Variants in LRRC4C observed in about 807,000 individuals in gnomAD.
LRRC4C encodes leucine rich repeat containing 4C, also known as leucine-rich repeat-containing protein 4C.
Under a neutral mutation model 33.6 loss-of-function variants are expected in LRRC4C, and 5 were observed. The ratio of observed to expected loss-of-function variants is 0.15; its 90% CI spans 0.08 to 0.31. The LOEUF (loss-of-function observed/expected upper bound fraction) is 0.31. Among genes scored for constraint, LRRC4C ranks in the 10% least tolerant of loss-of-function variants. The probability of loss-of-function intolerance (pLI) is 1.00; values close to 1 mark genes in which losing one functional copy is unlikely to be tolerated. For synonymous variants in LRRC4C, 329 were observed against 302.0 expected, an observed-to-expected ratio of 1.09 and a Z score of -0.93; for missense variants, 560 against 796.7, an observed-to-expected ratio of 0.70 and a Z score of 3.58.
intron 6 of LRRC4C, among the ~76,000 whole-genome samples, chr11:40,126,366 T>C (rs17469381): frequency 3.4e-4 from 51 of 152,204 alleles, no homozygotes; most frequent in African/African-American, 1.0e-3. Flanking sequence ...TTAGGTGAGA[T>C]GTTCTGACTA....
chr11:40,366,791 A>G (rs1294593754), intron 3 of LRRC4C, among the ~76,000 whole-genome samples: 2 of 152,064 alleles, frequency 1.3e-5, no homozygotes, highest in East Asian at 3.9e-4. Flanking sequence ...TTTTCATTTA[A>G]AGTGCAAATA....
intron 2 of LRRC4C, among the ~76,000 whole-genome samples, chr11:40,727,264 A>T (rs1947330380): frequency 6.6e-6 from 1 of 152,176 alleles, no homozygotes; most frequent in Non-Finnish European, 1.5e-5. Flanking sequence ...ATAAAGCCAC[A>T]TACCTACAAC....
chr11:40,248,317 T>A (rs1014944601), intron 4 of LRRC4C, among the ~76,000 whole-genome samples: 3 of 152,202 alleles, frequency 2.0e-5, no homozygotes, highest in Non-Finnish European at 4.4e-5. Flanking sequence ...TATTTCTCAC[T>A]CTATAGGCTA....
At position 41,241,410 on chromosome 11, in the gene LRRC4C, G is replaced by A. The variant is rs190687821; in HGVS notation, c.-496+218021C>T. On this transcript the variant is annotated intron_variant, in intron 1 of 6. Transcript: ENST00000528697. ...GCTGAGTGTGGGAAATGTTGGTAAA[G>A]AAACAGTGAGTCCAGAGGTATGTCC... Among the ~76,000 whole-genome samples the A allele has an allele frequency of 1.3e-4, 20 of 152,160 alleles. No individual in the cohort carries two copies. In the East Asian group the frequency reaches 3.5e-3, roughly 27 times the overall value.
chr11:41,366,796 A>C (rs1952561362), intron 1 of LRRC4C, among the ~76,000 whole-genome samples: 1 of 152,160 alleles, frequency 6.6e-6, no homozygotes, highest in Admixed American at 6.5e-5. Flanking sequence ...TGGAGGAAGA[A>C]ATCTATCTAC....
rs556711581 is a variant in LRRC4C at position 41,219,647 on chromosome 11, C to A, written c.-496+239784G>T. On this transcript the variant is annotated intron_variant, in intron 1 of 6. Coordinates refer to ENST00000528697, the MANE Select transcript of LRRC4C (RefSeq NM_001258419.2). ...AGGACCATCACACACTGTGGTTTAG[C>A]CCTGTGCCTACAACAATAGATTAGA... Among the ~76,000 whole-genome samples the A allele has an allele frequency of 7.2e-5, 11 of 152,306 alleles. No individual in the cohort carries two copies. In the South Asian group the frequency reaches 2.3e-3, roughly 32 times the overall value.
At chr11:41,225,605 C>T (rs747259262) in intron 1 of LRRC4C, among the ~76,000 whole-genome samples, 3 of 151,990 alleles carry the variant, frequency 2.0e-5, no homozygotes, top group Admixed American at 6.6e-5. Flanking sequence ...TCGAGACTAG[C>T]CTGGGCAACA....
intron 3 of LRRC4C, among the ~76,000 whole-genome samples, chr11:40,527,535 T>C (rs1021472537): frequency 2.0e-5 from 3 of 152,052 alleles, no homozygotes; most frequent in Non-Finnish European, 2.9e-5. Context: ...AGGAGGCAAG[T>C]TGGGGAGGTG....
At chr11:41,223,461 T>C (rs1355665628) in intron 1 of LRRC4C, among the ~76,000 whole-genome samples, 1 of 152,206 alleles carries the variant, frequency 6.6e-6, no homozygotes, top group African/African-American at 2.4e-5. Context: ...ATTCATTCAT[T>C]CATCCATCAA....
At chr11:40,422,586 G>C (rs1215210198) in intron 3 of LRRC4C, among the ~76,000 whole-genome samples, 1 of 151,896 alleles carries the variant, frequency 6.6e-6, no homozygotes, top group Non-Finnish European at 1.5e-5. Flanking sequence ...GTCTATAAAA[G>C]AAGGTGAATA....
chr11:40,686,916 G>A (rs1944987299), intron 2 of LRRC4C, among the ~76,000 whole-genome samples: 1 of 151,924 alleles, frequency 6.6e-6, no homozygotes, highest in African/African-American at 2.4e-5. Flanking sequence ...GTAGGCCACA[G>A]ACCAGTGGCA....
intron 2 of LRRC4C, among the ~76,000 whole-genome samples, chr11:40,722,750 T>C (rs1947089994): frequency 6.6e-6 from 1 of 152,180 alleles, no homozygotes; most frequent in Non-Finnish European, 1.5e-5. Context: ...CAATGGATCC[T>C]AACCAGATGG....
intron 2 of LRRC4C, among the ~76,000 whole-genome samples, chr11:40,847,787 T>C (rs1953263208): frequency 6.6e-6 from 1 of 150,616 alleles, no homozygotes; most frequent in African/African-American, 2.4e-5. Flanking sequence ...TGGGCTTTTT[T>C]TTTTTTTTTT....
At chr11:40,683,843 G>A (rs182153156) in intron 2 of LRRC4C, among the ~76,000 whole-genome samples, 327 of 152,262 alleles carry the variant, frequency 2.1e-3, no homozygotes, top group Non-Finnish European at 3.7e-3. Flanking sequence ...TCATACCAAA[G>A]ATTTGAAAAG....
At chr11:41,081,528 T>C (rs1161858421) in intron 1 of LRRC4C, among the ~76,000 whole-genome samples, 1 of 152,126 alleles carries the variant, frequency 6.6e-6, no homozygotes, top group Non-Finnish European at 1.5e-5. Flanking sequence ...TCTCCTTCTC[T>C]TTCAGCAGGT....
chr11:40,974,602 T>C (rs1158191309), intron 1 of LRRC4C, among the ~76,000 whole-genome samples: 1 of 152,204 alleles, frequency 6.6e-6, no homozygotes, highest in East Asian at 1.9e-4. Context: ...TGATGGTTAG[T>C]TTTACCTGTC....
chr11:41,075,016 T>G (rs11036214), intron 1 of LRRC4C, among the ~76,000 whole-genome samples: 1 of 14,308 alleles, frequency 7.0e-5, no homozygotes, highest in African/African-American at 2.0e-4. Context: ...TCAATTTTCT[T>G]TTTTTTTTTT....
chr11:41,329,018 A>C (rs923236680), intron 1 of LRRC4C, among the ~76,000 whole-genome samples: 2 of 152,190 alleles, frequency 1.3e-5, no homozygotes, highest in African/African-American at 4.8e-5. Context: ...CCATTTAATA[A>C]GACTGAAAAA....
intron 2 of LRRC4C, among the ~76,000 whole-genome samples, chr11:40,833,653 AT>A (rs1369103904): frequency 1.3e-5 from 2 of 152,242 alleles, no homozygotes; most frequent in African/African-American, 4.8e-5. Flanking sequence ...AAATGTAAGA[AT>A]TAGCAAATGA....
Sources: allele counts gnomAD v4.1 joint callset (sites outside exome capture counted in the v4.1 genomes callset), GRCh38; gene constraint gnomAD v4.1.1; transcripts MANE v1.5; gene names NCBI Gene and HGNC (gene_info 2026-07-23, HGNC 2026-07-21).